The following DTNA variants were observed in gnomAD, a reference collection of about 807,000 sequenced individuals.
DTNA encodes the protein dystrophin-related protein 3.
DTNA carries 43 observed loss-of-function variants against 100.7 expected under a neutral mutation model. The ratio of observed to expected loss-of-function variants is 0.43; its 90% confidence interval spans 0.33 to 0.55. The LOEUF is 0.55. DTNA is among the 20% of genes least tolerant of loss of function. DTNA has a pLI of 0.04. For missense variants in DTNA, 798 were observed against 953.9 expected (o/e 0.84, Z 2.15); for synonymous variants, 349 against 347.9 (o/e 1.00, Z -0.04).
chr18:34,833,467 G>C (rs973352913), intron 11 of DTNA, among the ~76,000 whole-genome samples: 3 of 151,292 alleles, frequency 2.0e-5, no homozygotes, highest in South Asian at 4.2e-4. Context: ...TTTATCTCTA[G>C]ATATGCTGCT....
intron 6 of DTNA, among the ~76,000 whole-genome samples, chr18:34,815,378 T>C (rs928209240): frequency 6.6e-5 from 10 of 152,092 alleles, no homozygotes; most frequent in Non-Finnish European, 1.2e-4. Flanking sequence ...AAGGAGCAAA[T>C]TTTTAAAAAT....
chr18:34,527,646 T>G (rs1326271230), intron 1 of DTNA, among the ~76,000 whole-genome samples: 11 of 152,104 alleles, frequency 7.2e-5, no homozygotes, highest in African/African-American at 2.4e-4. Context: ...TGATCTACGA[T>G]TTTTTAGAGT....
chr18:34,812,030 G>A lies in DTNA; in HGVS notation c.520G>A (p.Val174Ile), dbSNP rs762538478. ...ACGATATGACCAATTCCTTCGGGAA[G>A]TTCTCAAACTACCCACGGCAGTTTT... ...YGRYDQFLRE[V>I]LKLPTAVFEG... The change falls in exon 6 of 23, where the codon GTT becomes ATT. Residue 174 changes from valine (V) to isoleucine (I), a missense_variant. This residue lies in a region of DTNA where 197 missense variants were observed against 215.4 expected (regional missense o/e 0.91). Coordinates refer to ENST00000444659, the MANE Select transcript of DTNA (RefSeq NM_001386795.1). 4.3e-6 allele frequency: 7 copies of A among 1,614,104 alleles called. No homozygotes were observed. The highest frequency in any genetic ancestry group is 1.7e-5 in the Admixed American group (1 of 60,022).
intron 1 of DTNA, among the ~76,000 whole-genome samples, chr18:34,549,823 A>C (rs1436522712): frequency 1.3e-5 from 2 of 152,036 alleles, no homozygotes; most frequent in Non-Finnish European, 2.9e-5. Flanking sequence ...GTAGTACTTT[A>C]AAAGTTAGTC....
At position 34,891,624 on chromosome 18, in the gene DTNA, T is replaced by A. The variant is rs1007374846; in HGVS notation, c.*3890T>A. On this transcript the variant is annotated 3_prime_UTR_variant, in exon 23 of 23. Coordinates refer to ENST00000444659, the MANE Select transcript of DTNA (RefSeq NM_001386795.1). ...AGCATCTGTGAGCATCTAATAGAAA[T>A]ACTATTCTGCTATTTATGGAAATCC... 5 of 152,218 alleles carry A rather than the reference T, an allele frequency of 3.3e-5. No homozygotes were observed. The highest frequency in any genetic ancestry group is 1.2e-4 in the African/African-American group (5 of 41,444). The allele number at this position is 152,218 out of a possible 1,614,324, so 9.4% of individuals were successfully genotyped here.
At chr18:34,700,619 T>C (rs1358126149) in intron 1 of DTNA, among the ~76,000 whole-genome samples, 2 of 152,258 alleles carry the variant, frequency 1.3e-5, no homozygotes, top group Non-Finnish European at 2.9e-5. Flanking sequence ...CTTGTGTCTA[T>C]GTAGCTGAGC....
At chr18:34,816,207 G>C (rs2095593861) in intron 7 of DTNA, among the ~76,000 whole-genome samples, 193 bp downstream of exon 7, 1 of 152,182 alleles carries the variant, frequency 6.6e-6, no homozygotes, top group Admixed American at 6.5e-5. Context: ...AGGACTGTCA[G>C]TTCCAAAAAT....
intron 1 of DTNA, among the ~76,000 whole-genome samples, chr18:34,729,046 C>T (rs2087439800): frequency 6.6e-6 from 1 of 151,574 alleles, no homozygotes; most frequent in Admixed American, 6.6e-5. Flanking sequence ...GGAAGAGAGT[C>T]CCAGAGAAGT....
At chr18:34,783,030 G>A (rs894202039) in intron 3 of DTNA, among the ~76,000 whole-genome samples, 5 of 152,124 alleles carry the variant, frequency 3.3e-5, no homozygotes, top group Non-Finnish European at 7.4e-5. Flanking sequence ...GGAGAAATAA[G>A]ATACAAGATT....
rs187867206 is a variant in DTNA, at chr18:34,645,598, A to G, written c.-1-110378A>G. 6.7e-4 allele frequency among the ~76,000 whole-genome samples: 102 copies of G among 152,286 alleles called. 4 individuals carry two copies. The highest frequency in any genetic ancestry group is 6.5e-3 in the Admixed American group (100 of 15,304). ...ATAAATCTCAAGAAGGGCTCTGGTA[A>G]TACAGATGGTGTGTATACACTACAC... On this transcript the variant is annotated intron_variant, in intron 1 of 19. Transcript: ENST00000283365.
At chr18:34,879,350 T>G (rs1277208997) in intron 19 of DTNA, among the ~76,000 whole-genome samples, 3 of 152,352 alleles carry the variant, frequency 2.0e-5, no homozygotes, top group African/African-American at 7.2e-5. Flanking sequence ...ATTTTAAAAA[T>G]GCTGTATACC....
intron 13 of DTNA, among the ~76,000 whole-genome samples, chr18:34,844,003 G>C (rs1398548176): frequency 6.6e-6 from 1 of 152,048 alleles, no homozygotes; most frequent in Admixed American, 6.6e-5. Flanking sequence ...GACTCCTTTT[G>C]TTTAGTAAAA....
intron 3 of DTNA, among the ~76,000 whole-genome samples, chr18:34,779,487 C>T (rs984665701): frequency 6.6e-6 from 1 of 152,178 alleles, no homozygotes; most frequent in Non-Finnish European, 1.5e-5. Context: ...TTGGCCTAAA[C>T]CCAGTTTTTA....
Position 34,775,480 on chromosome 18 carries a change from T to TC in DTNA, c.148+9440dup, listed in dbSNP as rs1453590492. 2.0e-5 allele frequency among the ~76,000 whole-genome samples: 3 copies of TC among 151,188 alleles called. No homozygotes were observed. In the South Asian group the frequency reaches 6.3e-4, roughly 32 times the overall value. ...CTGGGCGACAGAGCGAGACTCCATC[T>TC]CAAAAAAAAATAAAAATAAATAAAT... On this transcript the variant is annotated intron_variant, in intron 3 of 22. Coordinates refer to ENST00000444659, the MANE Select transcript of DTNA (RefSeq NM_001386795.1).
rs923870451 is a variant in DTNA at position 34,889,337 on chromosome 18, A to G, written c.*1603A>G. 4 of 982,216 alleles carry G rather than the reference A, an allele frequency of 4.1e-6. No individual in the cohort carries two copies. Among genetic ancestry groups the G allele is most frequent in the African/African-American group, 1.7e-5 (1 of 57,158 alleles). 60.8% of individuals were successfully genotyped at this position (982,216 alleles called of 1,614,324 possible). The stretch of plus-strand genomic sequence containing the variant: ...AGCCCCACCTCAGGCCTACTGAATC[A>G]GAAGCTCTGGGGGTTGGGTCCAGAA... On this transcript the variant is annotated 3_prime_UTR_variant, in exon 23 of 23. Transcript: ENST00000444659.
intron 6 of DTNA, among the ~76,000 whole-genome samples, chr18:34,814,052 A>G (rs902729026): frequency 3.9e-5 from 6 of 152,122 alleles, no homozygotes; most frequent in South Asian, 2.1e-4. Context: ...TTTTTTAACA[A>G]TATAAAGTTC....
At chr18:34,543,658 G>T (rs1416503441) in intron 1 of DTNA, among the ~76,000 whole-genome samples, 2 of 152,050 alleles carry the variant, frequency 1.3e-5, no homozygotes, top group Admixed American at 1.3e-4. Context: ...ACAATTTCTG[G>T]AATATAGCAA....
At chr18:34,647,900 C>T (rs148326737) in intron 1 of DTNA, among the ~76,000 whole-genome samples, 222 of 152,274 alleles carry the variant, frequency 1.5e-3, no homozygotes, top group African/African-American at 5.1e-3. Flanking sequence ...TGCCTACCTC[C>T]ATGGATGAAT....
chr18:34,504,844 C>T (rs1439804164), intron 1 of DTNA, among the ~76,000 whole-genome samples: 1 of 152,098 alleles, frequency 6.6e-6, no homozygotes, highest in Non-Finnish European at 1.5e-5. Flanking sequence ...TTCAGATTTA[C>T]TCAGGTGTTT....
Sources: allele counts gnomAD v4.1 joint callset (sites outside exome capture counted in the v4.1 genomes callset), GRCh38; gene constraint gnomAD v4.1.1; regional missense constraint gnomAD v4.1.1; transcripts MANE v1.5; gene names NCBI Gene and HGNC (gene_info 2026-07-23, HGNC 2026-07-21).